The following EXOC2 variants were observed in gnomAD, a reference collection of about 807,000 sequenced individuals.
EXOC2 encodes the protein exocyst complex component 2.
EXOC2 carries 70 observed loss-of-function variants against 131.8 expected under a neutral mutation model. The ratio of observed to expected loss-of-function variants is 0.53; its 90% CI spans 0.44 to 0.65. The LOEUF is 0.65. Among genes scored for constraint, EXOC2 ranks in the 30% least tolerant of loss-of-function variants. EXOC2 has a pLI of 0.00. For missense variants in EXOC2, 923 were observed against 1,108.6 expected, an observed-to-expected ratio of 0.83 and a Z score of 2.38; for synonymous variants, 411 against 398.4, an observed-to-expected ratio of 1.03 and a Z score of -0.38.
chr6:654,803 C>CAAAAAAAAAAAAAAAAAAAAAAAA (rs66637987), intron 1 of EXOC2, among the ~76,000 whole-genome samples: 1 of 29,562 alleles, frequency 3.4e-5, no homozygotes, highest in East Asian at 1.3e-3. Flanking sequence ...GACCCTGTCT[C>CAAAAAAAAAAAAAAAAAAAAAAAA]AAAAAAAAAA....
At position 604,092 on chromosome 6, in the gene EXOC2, AAGTTGCC is replaced by A. The variant is rs545658168; in HGVS notation, c.743-4874_743-4868del. ...GGCAACTGAGACACAGAGGTTATTC[AAGTTGCC>A]CAGTGTGACATCATGGGGACATAGT... On this transcript the variant is annotated intron_variant, in intron 7 of 27. Coordinates refer to ENST00000230449, the MANE Select transcript of EXOC2 (RefSeq NM_018303.6). Among the ~76,000 whole-genome samples, 117 of 152,314 alleles carry A rather than the reference AAGTTGCC, an allele frequency of 7.7e-4. 1 individual carries two copies. The highest frequency in any genetic ancestry group is 2.7e-3 in the African/African-American group (114 of 41,568).
chr6:489,371 C>G (rs1763289240), intron 26 of EXOC2, among the ~76,000 whole-genome samples: 1 of 152,164 alleles, frequency 6.6e-6, no homozygotes, highest in Non-Finnish European at 1.5e-5. Flanking sequence ...CTTTTCAAAA[C>G]AAGCAGCTGG....
At chr6:568,530 CGTGTAT>C (rs1758099863) in intron 13 of EXOC2, among the ~76,000 whole-genome samples, 6 of 152,116 alleles carry the variant, frequency 3.9e-5, no homozygotes, top group Admixed American at 3.3e-4. Context: ...TAGATCTCTT[CGTGTAT>C]GTGTGTGTGT....
chr6:687,487 A>G (rs563116658), intron 1 of EXOC2, among the ~76,000 whole-genome samples: 24 of 152,154 alleles, frequency 1.6e-4, no homozygotes, highest in African/African-American at 4.3e-4. Context: ...CTTATCCTCA[A>G]ATAATATTTA....
At chr6:673,629 C>T (rs755473686) in intron 1 of EXOC2, among the ~76,000 whole-genome samples, 33 of 152,206 alleles carry the variant, frequency 2.2e-4, no homozygotes, top group Non-Finnish European at 3.8e-4. Flanking sequence ...TAGATGCCAT[C>T]GGCAAGGAGG....
In EXOC2 at chr6:610,097, C is replaced by A; in HGVS notation, c.742+1G>T. On this transcript the variant is annotated splice_donor_variant, in intron 7 of 27. Coordinates refer to ENST00000230449, the MANE Select transcript of EXOC2 (RefSeq NM_018303.6). LOFTEE classifies it high-confidence loss of function. ...GTTCTGGGTAGTAGGACAAAACTTA[C>A]TGTTCAGAACATTCTCCAGTTTCTG... 1 of 1,613,426 alleles carries A rather than the reference C, an allele frequency of 6.2e-7. No homozygotes were observed. Among genetic ancestry groups the A allele is most frequent in the Non-Finnish European group, 8.5e-7 (1 of 1,179,758 alleles).
intron 23 of EXOC2, among the ~76,000 whole-genome samples, chr6:503,334 C>T (rs879304172): frequency 4.6e-5 from 7 of 152,058 alleles, no homozygotes; most frequent in Non-Finnish European, 5.9e-5. Flanking sequence ...AAGTAGAACA[C>T]GTATACATCT....
chr6:521,316 A>C (rs555487937), intron 23 of EXOC2, among the ~76,000 whole-genome samples: 2 of 152,058 alleles, frequency 1.3e-5, no homozygotes, highest in Admixed American at 6.5e-5. Flanking sequence ...TCGGAGATGA[A>C]AACCACCACG....
intron 12 of EXOC2, among the ~76,000 whole-genome samples, chr6:572,964 T>A (rs1030331052): frequency 6.6e-6 from 1 of 152,224 alleles, no homozygotes; most frequent in Admixed American, 6.5e-5. Context: ...CTTTGACTTA[T>A]CAGCCTTGTC....
chr6:662,304 C>T (rs1429145381), intron 1 of EXOC2, among the ~76,000 whole-genome samples: 1 of 152,170 alleles, frequency 6.6e-6, no homozygotes, highest in Non-Finnish European at 1.5e-5. Context: ...AACAAATGGA[C>T]TTAACAGATA....
chr6:490,094 G>A (rs1005506081), intron 26 of EXOC2, among the ~76,000 whole-genome samples: 1 of 152,188 alleles, frequency 6.6e-6, no homozygotes, highest in Non-Finnish European at 1.5e-5. Flanking sequence ...TGAAAGAAAT[G>A]TGATGTAATT....
At chr6:638,806 G>A (rs1207139811) in intron 1 of EXOC2, among the ~76,000 whole-genome samples, 1 of 152,152 alleles carries the variant, frequency 6.6e-6, no homozygotes, top group African/African-American at 2.4e-5. Flanking sequence ...GTGCACGCCT[G>A]TAATCCCAGC....
At chr6:677,678 G>A (rs927522416) in intron 1 of EXOC2, among the ~76,000 whole-genome samples, 2 of 151,938 alleles carry the variant, frequency 1.3e-5, no homozygotes, top group Admixed American at 6.6e-5. Flanking sequence ...CATGTTGGTC[G>A]GGCTGGTCTA....
chr6:489,043 AAC>A lies in EXOC2; in HGVS notation c.2622-7_2622-6del, dbSNP rs752589674. 5.6e-6 allele frequency: 9 copies of A among 1,613,772 alleles called. No individual in the cohort carries two copies. The East Asian group carries it at 1.6e-4, about 28-fold the overall frequency. Reference sequence around the variant, plus strand: ...AAAGCCTGCTTAAAACTTGACCTGAAACACAAACAGCCACACTGAAGTTGAAG... The same window carrying A: ...AAAGCCTGCTTAAAACTTGACCTGAAACAAACAGCCACACTGAAGTTGAAG... On this transcript the variant is annotated splice_region_variant and splice_polypyrimidine_tract_variant and intron_variant, in intron 26 of 27. Coordinates refer to ENST00000230449, the MANE Select transcript of EXOC2 (RefSeq NM_018303.6).
intron 1 of EXOC2, among the ~76,000 whole-genome samples, chr6:654,192 G>A (rs550982496): frequency 7.9e-5 from 12 of 152,272 alleles, no homozygotes; most frequent in South Asian, 2.1e-4. Context: ...TATCCATTCC[G>A]CAGTTCATGG....
At chr6:659,485 T>C (rs1763313360) in intron 1 of EXOC2, among the ~76,000 whole-genome samples, 1 of 152,196 alleles carries the variant, frequency 6.6e-6, no homozygotes, top group Admixed American at 6.5e-5. Context: ...TCAGACCCTC[T>C]GAAGGAAGTA....
In EXOC2 at chr6:690,877, G is replaced by C. The variant is rs79535071; in HGVS notation, c.-44+2142C>G. Among the ~76,000 whole-genome samples the C allele has an allele frequency of 0.014, 2,204 of 152,280 alleles. 79 individuals are homozygous for C. In the East Asian group the frequency reaches 0.17, roughly 12 times the overall value. On this transcript the variant is annotated intron_variant, in intron 1 of 27. Transcript: ENST00000230449. Reference sequence around the variant, plus strand: ...AGAAGGTCCAAGAACATATTCCCCAGGATCTGAGTACAATCAACATCCTAG... The same window carrying C: ...AGAAGGTCCAAGAACATATTCCCCACGATCTGAGTACAATCAACATCCTAG...
intron 17 of EXOC2, among the ~76,000 whole-genome samples, chr6:557,463 C>A (rs933872743): frequency 6.6e-6 from 1 of 151,558 alleles, no homozygotes. Flanking sequence ...ACTAAAAATA[C>A]AAAAATTAGC....
chr6:675,218 T>C (rs11243065), intron 1 of EXOC2, among the ~76,000 whole-genome samples: 21,797 of 152,140 alleles, frequency 0.14, 1,737 homozygotes, highest in African/African-American at 0.21. Flanking sequence ...CTTTTCAACC[T>C]TTCTGAGCCA....
Sources: allele counts gnomAD v4.1 joint callset (sites outside exome capture counted in the v4.1 genomes callset), GRCh38; gene constraint gnomAD v4.1.1; transcripts MANE v1.5; gene names NCBI Gene and HGNC (gene_info 2026-07-23, HGNC 2026-07-21).